Variants in RUBCN observed in about 807,000 individuals in gnomAD.
RUBCN encodes the protein rubicon autophagy regulator.
A neutral mutation model predicts 113.2 loss-of-function variants in RUBCN; 74 were observed. The observed-to-expected ratio is 0.65, with a 90% CI of 0.54 to 0.79. The LOEUF (loss-of-function observed/expected upper bound fraction) is 0.79, where lower values mean the gene tolerates loss of function less well. Among genes scored for constraint, RUBCN ranks in the 30% least tolerant of loss-of-function variants. The probability of loss-of-function intolerance (pLI) is 0.00; values close to 1 mark genes in which losing one functional copy is unlikely to be tolerated. For synonymous variants in RUBCN, 480 were observed against 490.0 expected (o/e 0.98, Z 0.27); for missense variants, 1,109 against 1,251.7 (o/e 0.89, Z 1.72).
rs755976752 is a variant in RUBCN, at chr3:197,701,849, C to T, written c.586G>A (p.Glu196Lys). The change falls in exon 6 of 20, where the codon GAG becomes AAG. Residue 196 changes from glutamate to lysine, a missense_variant. By Grantham distance (56) the Glu-to-Lys change is moderately conservative (BLOSUM62 1). Coordinates refer to ENST00000296343, the MANE Select transcript of RUBCN (RefSeq NM_014687.4). ...CTCTTTGTCACCAGGAGCGGGCTCTCGTGCTTTCTGGCAAACTAAAAAGCA... is the reference window on the plus strand; with the variant it reads ...CTCTTTGTCACCAGGAGCGGGCTCTTGTGCTTTCTGGCAAACTAAAAAGCA... ...IDASMFARKH[E>K]SPLLVTKSQS... is the part of the protein sequence containing the mutation. 55 of 1,613,978 alleles carry T rather than the reference C, an allele frequency of 3.4e-5. No individual in the cohort carries two copies. Among genetic ancestry groups the T allele is most frequent in the Non-Finnish European group, 4.6e-5 (54 of 1,180,042 alleles).
intron 17 of RUBCN, 39 bp downstream of exon 17, chr3:197,677,441 G>C: frequency 6.4e-7 from 1 of 1,558,256 alleles, no homozygotes; most frequent in Non-Finnish European, 8.9e-7. Flanking sequence ...TTCGGAGACA[G>C]CAACGTGGCC....
intron 2 of RUBCN, among the ~76,000 whole-genome samples, chr3:197,710,153 G>C (rs1212158810): frequency 6.9e-6 from 1 of 145,480 alleles, no homozygotes; most frequent in Admixed American, 6.9e-5. Context: ...CTGGGCAACA[G>C]AGTGAGACTC....
intron 11 of RUBCN, among the ~76,000 whole-genome samples, chr3:197,686,437 A>G (rs1188851779): frequency 6.6e-6 from 1 of 152,048 alleles, no homozygotes; most frequent in Non-Finnish European, 1.5e-5. Context: ...CAAGGCTCTG[A>G]CCCCGGACTG....
rs1723067201 is a variant in RUBCN, at chr3:197,696,865, G to A, written c.1357+89C>T. On this transcript the variant is annotated intron_variant, in intron 8 of 19. Transcript: ENST00000296343. The stretch of plus-strand genomic sequence containing the variant: ...AACAGTGTGTACCCTCCAGAGAGCT[G>A]AGATGAACCCCAAAACTCAGAACTT... 7.8e-6 allele frequency: 6 copies of A among 768,294 alleles called. No individual in the cohort carries two copies. The Middle Eastern group carries it at 1.2e-3, about 156-fold the overall frequency. 47.6% of individuals were successfully genotyped at this position (768,294 alleles called of 1,614,324 possible). A position where few individuals can be genotyped will look rare whatever the true frequency, so the allele number is the denominator to read the frequency against.
intron 1 of RUBCN, among the ~76,000 whole-genome samples, chr3:197,718,662 C>A (rs1014653151): frequency 3.3e-5 from 5 of 151,988 alleles, no homozygotes; most frequent in Admixed American, 3.3e-4. Context: ...TGCTGCCCAA[C>A]TCCTGGCCTC....
intron 11 of RUBCN, among the ~76,000 whole-genome samples, chr3:197,687,137 CCTG>C (rs1721939924): frequency 6.6e-6 from 1 of 152,304 alleles, no homozygotes; most frequent in South Asian, 2.1e-4. Flanking sequence ...CGGTTTCCAT[CCTG>C]CTTTCTTTCT....
At chr3:197,749,531 G>C (rs1728913918) in exon 1 of RUBCN, 1 of 1,290,766 alleles carries the variant, frequency 7.7e-7, no homozygotes, top group Non-Finnish European at 1.0e-6. Context: ...CCTGCCTCCC[G>C]AGGCTGCGTT....
upstream of RUBCN, among the ~76,000 whole-genome samples, chr3:197,738,219 A>G (rs1728330130): frequency 6.6e-6 from 1 of 152,234 alleles, no homozygotes; most frequent in African/African-American, 2.4e-5. Flanking sequence ...TTGCAAACCC[A>G]GGCTTAAACT....
At chr3:197,719,792 TTA>T (rs1237749539) in intron 1 of RUBCN, among the ~76,000 whole-genome samples, 1 of 151,350 alleles carries the variant, frequency 6.6e-6, no homozygotes, top group South Asian at 2.1e-4. Flanking sequence ...GCTACCGTAT[TTA>T]GTGTCACCTT....
Position 197,675,552 on chromosome 3 carries a change from G to T in RUBCN, c.2647-37C>A. The T allele has an allele frequency of 6.6e-7, 1 of 1,504,020 alleles. No individual in the cohort carries two copies. The highest frequency in any genetic ancestry group is 1.7e-5 in the Admixed American group (1 of 59,878). The allele number at this position is 1,504,020 out of a possible 1,614,324, so 93.2% of individuals were successfully genotyped here. A position where few individuals can be genotyped will look rare whatever the true frequency, so the allele number is the denominator to read the frequency against. On this transcript the variant is annotated intron_variant, in intron 18 of 19. Coordinates refer to ENST00000296343, the MANE Select transcript of RUBCN (RefSeq NM_014687.4). This position sits in a 1 kb window ranked among gnomAD's most constrained non-coding sequence, Gnocchi z 4.4. Reference sequence around the variant, plus strand: ...AAACACAGATGGCAAAATGAGGAGCGGCACATCAGGAACTGGCACGGGAGG... The same window carrying T: ...AAACACAGATGGCAAAATGAGGAGCTGCACATCAGGAACTGGCACGGGAGG...
At chr3:197,724,481 C>G (rs1370612543) in intron 1 of RUBCN, among the ~76,000 whole-genome samples, 1 of 152,194 alleles carries the variant, frequency 6.6e-6, no homozygotes, top group Non-Finnish European at 1.5e-5. Flanking sequence ...AGATACTGGT[C>G]TATCTTCAAT....
At chr3:197,698,568 A>G (rs1312135460) in intron 7 of RUBCN, among the ~76,000 whole-genome samples, 6 of 144,136 alleles carry the variant, frequency 4.2e-5, no homozygotes, top group Admixed American at 4.1e-4. Context: ...CAGGAGAGGG[A>G]AAAAAAACAA....
At chr3:197,716,766 G>A (rs1009212641) in intron 2 of RUBCN, among the ~76,000 whole-genome samples, 2 of 152,148 alleles carry the variant, frequency 1.3e-5, no homozygotes, top group Non-Finnish European at 2.9e-5. Context: ...TAAGAGGGAG[G>A]TAGGAATGGT....
At chr3:197,713,825 A>G (rs764869767) in intron 2 of RUBCN, among the ~76,000 whole-genome samples, 6 of 152,126 alleles carry the variant, frequency 3.9e-5, no homozygotes, top group Non-Finnish European at 8.8e-5. Context: ...CTGTAATCCC[A>G]GCACTTTGGG....
intron 2 of RUBCN, among the ~76,000 whole-genome samples, chr3:197,715,879 T>C (rs985902364): frequency 3.3e-5 from 5 of 152,202 alleles, no homozygotes; most frequent in Non-Finnish European, 5.9e-5. Flanking sequence ...TTTCTTCCCA[T>C]TATTAATTTG....
rs547877935 is a variant in RUBCN, at chr3:197,721,494, T to C, written c.66-3364A>G. Among the ~76,000 whole-genome samples the C allele has an allele frequency of 2.9e-4, 44 of 152,260 alleles. No homozygotes were observed. The South Asian group carries it at 7.9e-3, about 27-fold the overall frequency. On this transcript the variant is annotated intron_variant, in intron 1 of 19. Transcript: ENST00000296343. ...TGATTTTATTTATTTGAGTCTTTTT[T>C]CCCCCTTGGTCTAGCTAAAGGTTTG...
rs993988081 is a variant in RUBCN, at chr3:197,683,781, C to A, written c.1848-342G>T. ...TAAAATTGCTTTGTGGACTACAAAG[C>A]GATTTTTCCTCCCAAATGAGCTACT... On this transcript the variant is annotated intron_variant, in intron 12 of 19. Coordinates refer to ENST00000296343, the MANE Select transcript of RUBCN (RefSeq NM_014687.4). This position sits in a 1 kb window ranked among gnomAD's most constrained non-coding sequence, Gnocchi z 4.6. 3.9e-4 allele frequency among the ~76,000 whole-genome samples: 59 copies of A among 152,218 alleles called. No individual in the cohort carries two copies. The highest frequency in any genetic ancestry group is 1.1e-3 in the African/African-American group (47 of 41,532).
chr3:197,736,474 C>G (rs1233891855), intron 1 of RUBCN, among the ~76,000 whole-genome samples, 181 bp downstream of exon 1: 2 of 117,540 alleles, frequency 1.7e-5, no homozygotes, highest in Admixed American at 1.0e-4. Context: ...CCGGTTCCTT[C>G]GTCCCATCCC....
chr3:197,677,812 T>A (rs533913457), intron 16 of RUBCN, among the ~76,000 whole-genome samples: 1 of 143,248 alleles, frequency 7.0e-6, no homozygotes, highest in East Asian at 2.1e-4. Context: ...TCCCACACTC[T>A]GACTGACAGC....
Sources: allele counts gnomAD v4.1 joint callset (sites outside exome capture counted in the v4.1 genomes callset), GRCh38; gene constraint gnomAD v4.1.1; non-coding constraint Gnocchi (gnomAD v3.1); transcripts MANE v1.5; gene names NCBI Gene and HGNC (gene_info 2026-07-23, HGNC 2026-07-21).